HDHD2: variants seen among roughly 807,000 people sequenced by gnomAD.
HDHD2 encodes the protein haloacid dehalogenase-like hydrolase domain-containing protein 2.
HDHD2 carries 26 observed loss-of-function variants against 24.8 expected under a neutral mutation model. The ratio of observed to expected loss-of-function variants is 1.05; its 90% CI spans 0.77 to 1.45. HDHD2 has a LOEUF of 1.45. HDHD2 is among the 40% of genes most tolerant of loss of function. HDHD2 has a pLI of 0.00. For synonymous variants in HDHD2, 128 were observed against 114.9 expected, an observed-to-expected ratio of 1.11 and a Z score of -0.73; for missense variants, 299 against 313.4, an observed-to-expected ratio of 0.95 and a Z score of 0.35.
At chr18:47,149,992 G>A (rs1337236382) in intron 1 of HDHD2, 1 of 152,442 alleles carries the variant, frequency 6.6e-6, no homozygotes, top group Non-Finnish European at 1.5e-5. Flanking sequence ...TGGCTGGGAA[G>A]GGGCCTCAAG....
intron 4 of HDHD2, among the ~76,000 whole-genome samples, chr18:47,126,946 C>T (rs184377760): frequency 1.4e-3 from 213 of 152,240 alleles, no homozygotes; most frequent in African/African-American, 4.4e-3. Flanking sequence ...GGGTGGATCA[C>T]GACGTCAGAT....
rs184765178 is a variant in HDHD2, at chr18:47,132,226, T to A, written c.311-1898A>T. Reference sequence around the variant, plus strand: ...ATTTCTACATCTTACTTTTTTCATTTAATATATCCTATGCAGAGCACTCTT... The same window carrying A: ...ATTTCTACATCTTACTTTTTTCATTAAATATATCCTATGCAGAGCACTCTT... On this transcript the variant is annotated intron_variant, in intron 3 of 6. Coordinates refer to ENST00000300605, the MANE Select transcript of HDHD2 (RefSeq NM_032124.5). 2.8e-4 allele frequency among the ~76,000 whole-genome samples: 42 copies of A among 152,336 alleles called. 1 individual carries two copies. Among genetic ancestry groups the A allele is most frequent in the African/African-American group, 1.0e-3 (42 of 41,582 alleles).
intron 1 of HDHD2, among the ~76,000 whole-genome samples, chr18:47,138,836 C>G (rs1463487339): frequency 6.6e-6 from 1 of 152,178 alleles, no homozygotes; most frequent in Non-Finnish European, 1.5e-5. Context: ...GTCTCATATC[C>G]TGGAGGAAGG....
At position 47,119,972 on chromosome 18, in the gene HDHD2, G is replaced by A. The variant is rs112038283; in HGVS notation, c.396-4624C>T. Among the ~76,000 whole-genome samples, 8 of 152,254 alleles carry A rather than the reference G, an allele frequency of 5.3e-5. 1 individual carries two copies. Among genetic ancestry groups the A allele is most frequent in the African/African-American group, 1.9e-4 (8 of 41,556 alleles). On this transcript the variant is annotated intron_variant, in intron 4 of 6. Transcript: ENST00000300605. ...TGTCCATGAGCAGTAATATTCTGAT[G>A]GGAATCTATTTTTCTGACCTGTAAG...
chr18:47,125,614 T>G (rs2063651371), intron 4 of HDHD2, among the ~76,000 whole-genome samples: 1 of 152,152 alleles, frequency 6.6e-6, no homozygotes, highest in Non-Finnish European at 1.5e-5. Flanking sequence ...ACGCAAAAAC[T>G]TGGATAAATC....
chr18:47,135,968 A>C (rs1166214583), intron 2 of HDHD2, among the ~76,000 whole-genome samples: 1 of 152,214 alleles, frequency 6.6e-6, no homozygotes, highest in African/African-American at 2.4e-5. Flanking sequence ...AACAAGAAAG[A>C]GCAGCATTAT....
chr18:47,134,616 C>A lies in HDHD2; in HGVS notation c.190G>T (p.Glu64Ter). 10 of 1,614,062 alleles carry A rather than the reference C, an allele frequency of 6.2e-6. No individual in the cohort carries two copies. Among genetic ancestry groups the A allele is most frequent in the Non-Finnish European group, 8.5e-6 (10 of 1,179,934 alleles). The change falls in exon 3 of 7, where the codon GAA becomes TAA. Residue 64 changes from glutamate (E) to a stop codon, truncating the protein, a stop_gained. Transcript: ENST00000300605. LOFTEE classifies it high-confidence loss of function. ...ATTTCATCTTCAGAGATATCAAATT[C>A]CAATTTTCTCAACCTTTCTAACAGG... Reference protein sequence around the residue: ...QDLLERLRKLEFDISEDEIFT... With the variant: ...QDLLERLRKL
intron 1 of HDHD2, among the ~76,000 whole-genome samples, chr18:47,149,743 A>G (rs1044567019): frequency 6.6e-6 from 1 of 152,100 alleles, no homozygotes; most frequent in Non-Finnish European, 1.5e-5. Flanking sequence ...TTTCTCCCAG[A>G]GTTAGGCTAG....
chr18:47,132,492 A>G (rs1210040039), intron 3 of HDHD2, among the ~76,000 whole-genome samples: 1 of 152,240 alleles, frequency 6.6e-6, no homozygotes, highest in African/African-American at 2.4e-5. Context: ...TTTGCTAGCT[A>G]CTGCCAAATT....
intron 4 of HDHD2, among the ~76,000 whole-genome samples, chr18:47,122,484 C>T (rs1568048298): frequency 6.6e-6 from 1 of 152,080 alleles, no homozygotes; most frequent in Non-Finnish European, 1.5e-5. Flanking sequence ...CCAAACCTTA[C>T]CAAAATATTC....
chr18:47,135,636 G>A (rs926194871), intron 2 of HDHD2, among the ~76,000 whole-genome samples: 2 of 152,106 alleles, frequency 1.3e-5, no homozygotes, highest in African/African-American at 4.8e-5. Context: ...CACATACTAA[G>A]TATTGCTGAT....
intron 1 of HDHD2, among the ~76,000 whole-genome samples, chr18:47,144,576 C>T (rs1015140293): frequency 6.6e-6 from 1 of 152,016 alleles, no homozygotes; most frequent in African/African-American, 2.4e-5. Context: ...TGCCTGGCTA[C>T]AGCAAATATA....
chr18:47,112,818 C>G (rs2063526002), intron 6 of HDHD2, among the ~76,000 whole-genome samples, 159 bp downstream of exon 6: 1 of 152,190 alleles, frequency 6.6e-6, no homozygotes, highest in Non-Finnish European at 1.5e-5. Context: ...GGGCCCTTCC[C>G]AATTGTTTCC....
intron 3 of HDHD2, among the ~76,000 whole-genome samples, chr18:47,130,935 A>G (rs1178918187): frequency 1.3e-5 from 2 of 152,208 alleles, no homozygotes; most frequent in Non-Finnish European, 2.9e-5. Context: ...AACTTCAGAC[A>G]TGACAATCAA....
intron 4 of HDHD2, among the ~76,000 whole-genome samples, chr18:47,116,773 C>T (rs532051637): frequency 1.2e-4 from 19 of 152,176 alleles, no homozygotes; most frequent in Non-Finnish European, 2.2e-4. Context: ...TACTCTACCA[C>T]GGAACTAGAA....
chr18:47,113,181 G>A, intron 5 of HDHD2, 141 bp from the exon 6 acceptor site: 1 of 717,612 alleles, frequency 1.4e-6, no homozygotes. Context: ...GATGTAAAAG[G>A]TGAATCCACA....
intron 4 of HDHD2, among the ~76,000 whole-genome samples, chr18:47,129,217 G>C (rs2063689124): frequency 6.6e-6 from 1 of 152,198 alleles, no homozygotes; most frequent in Non-Finnish European, 1.5e-5. Flanking sequence ...TTCTACGGCA[G>C]ATCTGCAGGT....
chr18:47,145,510 G>A lies in HDHD2; in HGVS notation c.-11+4868C>T, dbSNP rs146527509. ...CATATATGATAGAAGTAGTGTTTCA[G>A]ATTAGTAAAGAAAAAATAAAATGAT... On this transcript the variant is annotated intron_variant, in intron 1 of 6. Transcript: ENST00000300605. Among the ~76,000 whole-genome samples, 370 of 152,270 alleles carry A rather than the reference G, an allele frequency of 2.4e-3. 2 individuals carry two copies. The highest frequency in any genetic ancestry group is 4.1e-3 in the Non-Finnish European group (282 of 68,012).
intron 4 of HDHD2, among the ~76,000 whole-genome samples, chr18:47,128,216 AAGTC>A (rs2063678832): frequency 6.6e-6 from 1 of 152,212 alleles, no homozygotes; most frequent in Non-Finnish European, 1.5e-5. Flanking sequence ...AGCAATTACA[AAGTC>A]AGTATTATGT....
Sources: allele counts gnomAD v4.1 joint callset (sites outside exome capture counted in the v4.1 genomes callset), GRCh38; gene constraint gnomAD v4.1.1; transcripts MANE v1.5; gene names NCBI Gene and HGNC (gene_info 2026-07-23, HGNC 2026-07-21).